The following EPHB2 variants were observed in gnomAD, a reference collection of about 807,000 sequenced individuals.
The protein encoded by EPHB2 is ephrin type-B receptor 2.
EPHB2 carries 18 observed loss-of-function variants against 96.4 expected under a neutral mutation model. The observed-to-expected ratio is 0.19, with a 90% CI of 0.13 to 0.28. EPHB2 has a LOEUF of 0.28. EPHB2 is among the 10% of genes least tolerant of loss of function. EPHB2 has a pLI of 1.00. For missense variants in EPHB2, 989 were observed against 1,355.4 expected (o/e 0.73, Z 4.25); for synonymous variants, 506 against 534.1 (o/e 0.95, Z 0.72).
chr1:22,850,906 G>A (rs148985739), intron 3 of EPHB2, among the ~76,000 whole-genome samples: 158 of 152,358 alleles, frequency 1.0e-3, no homozygotes, highest in African/African-American at 3.6e-3. Context: ...CAGCTGGAGT[G>A]GGCAAGAGGC....
intron 1 of EPHB2, among the ~76,000 whole-genome samples, chr1:22,757,674 T>C (rs10917294): frequency 0.93 from 140,870 of 152,114 alleles, 66,193 homozygotes; most frequent in East Asian, 1. Context: ...CCAGCCTGGG[T>C]AACATGGCAA....
At position 22,906,946 on chromosome 1, in the gene EPHB2, T is replaced by C; in HGVS notation, c.2125T>C (p.Ser709Pro). 1 of 1,609,522 alleles carries C rather than the reference T, an allele frequency of 6.2e-7. No individual in the cohort carries two copies. Among genetic ancestry groups the C allele is most frequent in the Non-Finnish European group, 8.5e-7 (1 of 1,176,568 alleles). ...GTTCATGGAGAATGGCTCCCTGGAC[T>C]CCTTTCTCCGGGTAGGGGAAGCCAA... The part of the protein sequence containing the change: ...TEFMENGSLD[S>P]FLRQNDGQFT... The change falls in exon 11 of 16, where the codon TCC becomes CCC. Residue 709 changes from serine (S) to proline (P), a missense_variant. By Grantham distance (74) the Ser-to-Pro change is moderately conservative. Transcript: ENST00000374630. The surrounding 1 kb of genome is among the most constrained non-coding windows in gnomAD (Gnocchi z 4.8).
intron 9 of EPHB2, 133 bp from the exon 10 acceptor site, chr1:22,905,854 G>T: frequency 1.4e-6 from 2 of 1,407,280 alleles, no homozygotes; most frequent in East Asian, 2.4e-5. Context: ...CAAGTGACCT[G>T]CAGGGAGTTG....
chr1:22,883,290 G>C (rs1237997905), intron 6 of EPHB2, among the ~76,000 whole-genome samples: 1 of 152,238 alleles, frequency 6.6e-6, no homozygotes, highest in East Asian at 1.9e-4. Context: ...CCTGCCTGCT[G>C]CACAGTGGGC....
chr1:22,802,096 C>T (rs1027458333), intron 3 of EPHB2, among the ~76,000 whole-genome samples: 3 of 152,064 alleles, frequency 2.0e-5, no homozygotes, highest in Admixed American at 6.5e-5. Context: ...GTGAATGTCA[C>T]GTCCAGGCAG....
At position 22,913,630 on chromosome 1, in the gene EPHB2, G is replaced by A. The variant is rs371418612; in HGVS notation, c.*60G>A. On this transcript the variant is annotated 3_prime_UTR_variant, in exon 16 of 16. Transcript: ENST00000374630. The surrounding 1 kb of genome is among the most constrained non-coding windows in gnomAD (Gnocchi z 4.1). ...CCCCGCCCCCTCTGCCCCACGTGCC[G>A]GCCCTCCTGGTGCTCTATCCACTGC... 120 of 1,606,308 alleles carry A rather than the reference G, an allele frequency of 7.5e-5. No homozygotes were observed. In the Admixed American group the frequency reaches 1.5e-3, roughly 19 times the overall value.
At position 22,733,748 on chromosome 1, in the gene EPHB2, A is replaced by G. The variant is rs1643765328; in HGVS notation, c.61+22705A>G. ...TAAGTCCAAAGCCCATGCTCATGAC[A>G]CGCTACTACATCAGGCTGGTATGAT... On this transcript the variant is annotated intron_variant, in intron 1 of 15. Coordinates refer to ENST00000374630, the MANE Select transcript of EPHB2 (RefSeq NM_017449.5). The surrounding 1 kb of genome is among the most constrained non-coding windows in gnomAD (Gnocchi z 4.6). Among the ~76,000 whole-genome samples the G allele has an allele frequency of 6.6e-6, 1 of 152,228 alleles. No homozygotes were observed. The highest frequency in any genetic ancestry group is 1.5e-5 in the Non-Finnish European group (1 of 68,044).
intron 1 of EPHB2, among the ~76,000 whole-genome samples, chr1:22,771,701 TC>T: frequency 6.6e-6 from 1 of 152,316 alleles, no homozygotes; most frequent in South Asian, 2.1e-4. Flanking sequence ...CAGGCATTGT[TC>T]CATGCACACG....
intron 1 of EPHB2, among the ~76,000 whole-genome samples, chr1:22,721,321 A>G (rs891037941): frequency 2.0e-5 from 3 of 152,304 alleles, no homozygotes; most frequent in Non-Finnish European, 4.4e-5. Flanking sequence ...GTCAAAGTTG[A>G]CGCATTAAAC....
intron 1 of EPHB2, among the ~76,000 whole-genome samples, chr1:22,711,933 A>G (rs1429223798): frequency 6.6e-6 from 1 of 152,218 alleles, no homozygotes; most frequent in African/African-American, 2.4e-5. Context: ...AGGGAAAGTT[A>G]GTGCGGTCTG....
At chr1:22,755,706 A>G (rs1253287351) in intron 1 of EPHB2, among the ~76,000 whole-genome samples, 2 of 152,210 alleles carry the variant, frequency 1.3e-5, no homozygotes, top group African/African-American at 4.8e-5. Flanking sequence ...AATGGGACTA[A>G]TACGGTGCCT....
chr1:22,886,419 C>T (rs535584971), intron 6 of EPHB2, among the ~76,000 whole-genome samples: 8 of 152,138 alleles, frequency 5.3e-5, no homozygotes, highest in East Asian at 1.9e-4. Context: ...AAAGTATGAT[C>T]GGATGGCTCT....
intron 3 of EPHB2, among the ~76,000 whole-genome samples, chr1:22,861,081 G>A (rs917630657): frequency 9.8e-5 from 15 of 152,328 alleles, no homozygotes; most frequent in African/African-American, 3.1e-4. Flanking sequence ...TTTTGAACCA[G>A]ATGGCTTAGT....
chr1:22,839,022 T>G (rs183355128), intron 3 of EPHB2, among the ~76,000 whole-genome samples: 10 of 152,236 alleles, frequency 6.6e-5, no homozygotes, highest in Non-Finnish European at 1.2e-4. Flanking sequence ...GAGGGTCAGG[T>G]ATAATTGAGT....
intron 3 of EPHB2, among the ~76,000 whole-genome samples, chr1:22,805,871 G>T (rs1369305047): frequency 6.6e-6 from 1 of 152,202 alleles, no homozygotes; most frequent in East Asian, 1.9e-4. Context: ...GCCGCCTGGG[G>T]TGGGAGGCCG....
chr1:22,907,933 T>C lies in EPHB2; in HGVS notation c.2137-20T>C. The C allele has an allele frequency of 6.2e-7, 1 of 1,613,982 alleles. No homozygotes were observed. The highest frequency in any genetic ancestry group is 8.5e-7 in the Non-Finnish European group (1 of 1,179,834). ...GCCTGCTCTTCTGTTTACTCTGTGT[T>C]TTCCCCACTTCTCCCAAAGCAAAAC... On this transcript the variant is annotated intron_variant, in intron 11 of 15. Coordinates refer to ENST00000374630, the MANE Select transcript of EPHB2 (RefSeq NM_017449.5).
At chr1:22,801,232 G>A (rs1054330199) in intron 3 of EPHB2, among the ~76,000 whole-genome samples, 19 of 152,110 alleles carry the variant, frequency 1.2e-4, no homozygotes, top group Non-Finnish European at 2.5e-4. Flanking sequence ...CATCTGTCCC[G>A]GCTGTTACGT....
intron 1 of EPHB2, among the ~76,000 whole-genome samples, chr1:22,753,028 G>A (rs1433544841): frequency 6.6e-6 from 1 of 151,886 alleles, no homozygotes; most frequent in Non-Finnish European, 1.5e-5. Context: ...TGATCCTCCT[G>A]TCTTGGCCTC....
At chr1:22,736,135 C>T (rs1443240301) in intron 1 of EPHB2, among the ~76,000 whole-genome samples, 1 of 152,174 alleles carries the variant, frequency 6.6e-6, no homozygotes, top group Non-Finnish European at 1.5e-5. Context: ...TAGTGGTCAT[C>T]GTTGTTGCTG....
Sources: allele counts gnomAD v4.1 joint callset (sites outside exome capture counted in the v4.1 genomes callset), GRCh38; gene constraint gnomAD v4.1.1; non-coding constraint Gnocchi (gnomAD v3.1); transcripts MANE v1.5; gene names NCBI Gene and HGNC (gene_info 2026-07-23, HGNC 2026-07-21).